HECTD3: variants seen among roughly 807,000 people sequenced by gnomAD.
HECTD3 encodes the protein E3 ubiquitin-protein ligase HECTD3.
In HECTD3, 72 loss-of-function variants were observed where a neutral mutation model predicts 109.3. That is an observed-to-expected ratio of 0.66 (90% CI 0.54 to 0.80). HECTD3 has a LOEUF of 0.80. HECTD3 is among the 30% of genes least tolerant of loss of function. The probability of loss-of-function intolerance (pLI) is 0.00; values close to 1 mark genes in which losing one functional copy is unlikely to be tolerated. For missense variants in HECTD3, 1,041 were observed against 1,165.2 expected (o/e 0.89, Z 1.55); for synonymous variants, 481 against 471.8 (o/e 1.02, Z -0.25).
At position 45,006,271 on chromosome 1, in the gene HECTD3, G is replaced by T; in HGVS notation, c.1726-155C>A. ...TCCTCTCCCTGTCTGCCCAGAGGTTGCCCTGAGCAACTCAGTCCCTCCTCT... is the reference window on the plus strand; with the variant it reads ...TCCTCTCCCTGTCTGCCCAGAGGTTTCCCTGAGCAACTCAGTCCCTCCTCT... On this transcript the variant is annotated intron_variant, in intron 13 of 20. Transcript: ENST00000372172. This position sits in a 1 kb window ranked among gnomAD's most constrained non-coding sequence, Gnocchi z 4.7. 1.1e-6 allele frequency: 1 copy of T among 926,048 alleles called. No individual in the cohort carries two copies. The highest frequency in any genetic ancestry group is 1.6e-6 in the Non-Finnish European group (1 of 617,972). The allele number at this position is 926,048 out of a possible 1,614,324, so 57.4% of individuals were successfully genotyped here. A position where few individuals can be genotyped will look rare whatever the true frequency, so the allele number is the denominator to read the frequency against.
At position 45,008,576 on chromosome 1, in the gene HECTD3, C is replaced by G; in HGVS notation, c.1198G>C (p.Asp400His). Residue 400 changes from aspartate to histidine, a missense_variant, in exon 8 of 21, where the codon GAC (aspartate) becomes CAC (histidine). Coordinates refer to ENST00000372172, the MANE Select transcript of HECTD3 (RefSeq NM_024602.6). ...LVRYPRLEGTDPEVLYRRAVL... is the reference protein window; with the variant it reads ...LVRYPRLEGTHPEVLYRRAVL... Reference sequence around the variant, plus strand: ...GCTCTGCGGTACAGTACTTCAGGGTCGGTGCCTTCTAGGCGTGGATATCGC... The same window carrying G: ...GCTCTGCGGTACAGTACTTCAGGGTGGGTGCCTTCTAGGCGTGGATATCGC... 1 of 1,614,002 alleles carries G rather than the reference C, an allele frequency of 6.2e-7. No homozygotes were observed. Among genetic ancestry groups the G allele is most frequent in the Non-Finnish European group, 8.5e-7 (1 of 1,179,938 alleles).
rs773846339 is a variant in HECTD3, at chr1:45,009,646, G to T, written c.797C>A (p.Ala266Asp). Reference protein sequence around the residue: ...FNVSCLTDSNADTYWESDGSQ... With the variant: ...FNVSCLTDSNDDTYWESDGSQ... ...CCCATCGCTCTCCCAGTAGGTATCG[G>T]CATTGCTGTCTGTCAGGCAGGACAC... The change falls in exon 5 of 21, where the codon GCC becomes GAC. Residue 266 changes from alanine to aspartate, a missense_variant. Ala to Asp is a moderately radical substitution (Grantham distance 126). This residue lies in a region of HECTD3 where 472 missense variants were observed against 449.9 expected (regional missense o/e 1.05). Transcript: ENST00000372172. 1.2e-6 allele frequency: 2 copies of T among 1,614,082 alleles called. No homozygotes were observed. The highest frequency in any genetic ancestry group is 2.2e-5 in the East Asian group (1 of 44,880).
At chr1:45,009,281 A>G in intron 6 of HECTD3, 55 bp from the exon 7 acceptor site, 3 of 1,547,534 alleles carry the variant, frequency 1.9e-6, no homozygotes, top group Non-Finnish European at 2.7e-6. Flanking sequence ...GCCTTCAGAG[A>G]CTGCTGGAGT....
intron 7 of HECTD3, among the ~76,000 whole-genome samples, chr1:45,008,924 T>C (rs1644759109): frequency 2.0e-5 from 3 of 152,146 alleles, no homozygotes; most frequent in Admixed American, 1.3e-4. Context: ...CCCAACTCAG[T>C]TCCTCTTCCA....
In HECTD3 at chr1:45,009,970, G is replaced by A. The variant is rs764196954; in HGVS notation, c.759+16C>T. 16 of 1,517,824 alleles carry A rather than the reference G, an allele frequency of 1.1e-5. No individual in the cohort carries two copies. The highest frequency in any genetic ancestry group is 2.3e-5 in the East Asian group (1 of 43,984). 94.0% of individuals were successfully genotyped at this position (1,517,824 alleles called of 1,614,324 possible). A position where few individuals can be genotyped will look rare whatever the true frequency, so the allele number is the denominator to read the frequency against. ...GACTATATCTTGCCTGGGGTGGGAG[G>A]AGCCCCAGCACCCACCGTGTAGGAG... is the stretch of plus-strand genomic sequence containing the variant. On this transcript the variant is annotated intron_variant, in intron 4 of 20. Transcript: ENST00000372172.
intron 15 of HECTD3, chr1:45,005,099 GC>G (rs932704077): frequency 1.4e-5 from 7 of 496,668 alleles, no homozygotes; most frequent in African/African-American, 1.4e-4. Flanking sequence ...GCTGGAAAGA[GC>G]AAAAGGCCTA....
Position 45,011,011 on chromosome 1 carries a change from CG to C in HECTD3, c.246del (p.Gly83ValfsTer37), listed in dbSNP as rs35563981. 8 of 1,441,944 alleles carry C rather than the reference CG, an allele frequency of 5.5e-6. No homozygotes were observed. Among genetic ancestry groups the C allele is most frequent in the African/African-American group, 1.5e-5 (1 of 66,794 alleles). 89.3% of individuals were successfully genotyped at this position (1,441,944 alleles called of 1,614,324 possible). A position where few individuals can be genotyped will look rare whatever the true frequency, so the allele number is the denominator to read the frequency against. On this transcript the variant is annotated frameshift_variant, in exon 1 of 21. Coordinates refer to ENST00000372172, the MANE Select transcript of HECTD3 (RefSeq NM_024602.6). LOFTEE classifies it high-confidence loss of function. The stretch of plus-strand genomic sequence containing the variant: ...GCGCGGAGGGGCCCGGAGCCGGTAC[CG>C]GGGGCTGGGCCTGCGGCGCCCACAC... The part of the protein sequence containing the change: ...GLRVGAAGPA[P>X]GTGSGPLRAA...
chr1:45,006,602 C>T lies in HECTD3; in HGVS notation c.1725+90G>A. 2.7e-6 allele frequency: 3 copies of T among 1,120,714 alleles called. No homozygotes were observed. In the South Asian group the frequency reaches 4.4e-5, roughly 16 times the overall value. The allele number at this position is 1,120,714 out of a possible 1,614,324, so 69.4% of individuals were successfully genotyped here. The stretch of plus-strand genomic sequence containing the variant: ...CAGGCGTGAGCCACTGTGCCTGCCC[C>T]CTTTCTAGCTCAATCTGGCCCCCTC... On this transcript the variant is annotated intron_variant, in intron 13 of 20. Coordinates refer to ENST00000372172, the MANE Select transcript of HECTD3 (RefSeq NM_024602.6). This position sits in a 1 kb window ranked among gnomAD's most constrained non-coding sequence, Gnocchi z 4.7.
chr1:45,009,450 TCATCTGTGGTATC>T lies in HECTD3; in HGVS notation c.895_907del (p.Asp299ThrfsTer18). On this transcript the variant is annotated frameshift_variant, in exon 6 of 21. Coordinates refer to ENST00000372172, the MANE Select transcript of HECTD3 (RefSeq NM_024602.6). LOFTEE classifies it high-confidence loss of function. Reference sequence around the variant, plus strand: ...CACCACCCGCTTTGGCATAAAGTTGTCATCTGTGGTATCCACTGTGAGTAGCAGCTTCCTGAAG... The same window carrying T: ...CACCACCCGCTTTGGCATAAAGTTGTCACTGTGAGTAGCAGCTTCCTGAAG... 3 of 1,614,136 alleles carry T rather than the reference TCATCTGTGGTATC, an allele frequency of 1.9e-6. No individual in the cohort carries two copies. Among genetic ancestry groups the T allele is most frequent in the Non-Finnish European group, 2.5e-6 (3 of 1,179,982 alleles).
At chr1:45,009,776 G>T in intron 4 of HECTD3, 93 bp from the exon 5 acceptor site, 1 of 1,168,650 alleles carries the variant, frequency 8.6e-7, no homozygotes, top group Non-Finnish European at 1.2e-6. Flanking sequence ...AGAAAGCATA[G>T]TGAAGTTGGG....
rs1487265089 is a variant in HECTD3, at chr1:45,009,132, C to G, written c.1072+12G>C. ...CGGGCTCTCTTTCCCTCCTTATAGC[C>G]TTAAACCTCACCTCGGCACTCCACG... On this transcript the variant is annotated intron_variant, in intron 7 of 20. Transcript: ENST00000372172. 3 of 1,611,448 alleles carry G rather than the reference C, an allele frequency of 1.9e-6. No homozygotes were observed. The highest frequency in any genetic ancestry group is 2.5e-6 in the Non-Finnish European group (3 of 1,177,586).
chr1:45,011,152 G>T lies in HECTD3; in HGVS notation c.106C>A (p.Leu36Met). 6.7e-7 allele frequency: 1 copy of T among 1,503,000 alleles called. No homozygotes were observed. The allele number at this position is 1,503,000 out of a possible 1,614,324, so 93.1% of individuals were successfully genotyped here. Reference sequence around the variant, plus strand: ...GGCACGAAAGCCAGCGCTGCTGGCAGCGGCCGCCCGGCGCGGAGGCTCCGC... The same window carrying T: ...GGCACGAAAGCCAGCGCTGCTGGCATCGGCCGCCCGGCGCGGAGGCTCCGC... ...AARSLRAGRPLPAALAFVPRE... is the reference protein window; with the variant it reads ...AARSLRAGRPMPAALAFVPRE... The change falls in exon 1 of 21, where the codon CTG (leucine) becomes ATG (methionine). Residue 36 changes from leucine to methionine, a missense_variant. Leu to Met is a conservative substitution (Grantham distance 15). Coordinates refer to ENST00000372172, the MANE Select transcript of HECTD3 (RefSeq NM_024602.6).
At position 45,010,335 on chromosome 1, in the gene HECTD3, G is replaced by A. The variant is rs41269101; in HGVS notation, c.531-42C>T. On this transcript the variant is annotated intron_variant, in intron 2 of 20. Coordinates refer to ENST00000372172, the MANE Select transcript of HECTD3 (RefSeq NM_024602.6). ...GGGAGTGGGATGGGGAGACATCAGC[G>A]GTCAGCAAGACACTACCTCCATGCC... 6.3e-3 allele frequency: 9,892 copies of A among 1,576,242 alleles called. 50 individuals carry two copies. Among genetic ancestry groups the A allele is most frequent in the East Asian group, 0.013 (563 of 44,722 alleles).
At position 45,010,027 on chromosome 1, in the gene HECTD3, C is replaced by T. The variant is rs771331452; in HGVS notation, c.718G>A (p.Val240Met). The T allele has an allele frequency of 2.0e-5, 31 of 1,557,260 alleles. 1 individual carries two copies. Among genetic ancestry groups the T allele is most frequent in the South Asian group, 1.5e-4 (12 of 81,516 alleles). ...TCTATGCTCTCCACATACTGCTTCA[C>T]GCTACCCAGGTTCTCATCCTCCTTG... ...LGKEDENLGS[V>M]KQYVESIDVS... The change falls in exon 4 of 21, where the codon GTG becomes ATG. Residue 240 changes from valine to methionine, a missense_variant. Val to Met is a conservative substitution (Grantham distance 21, BLOSUM62 1). Around this residue, in one of 2 missense-constraint regions of HECTD3, gnomAD observed 472 missense variants for 449.9 expected, o/e 1.05. Coordinates refer to ENST00000372172, the MANE Select transcript of HECTD3 (RefSeq NM_024602.6).
rs371030073 is a variant in HECTD3, at chr1:45,009,724, C to G, written c.760-41G>C. The G allele has an allele frequency of 5.3e-5, 78 of 1,460,852 alleles. 2 individuals carry two copies. In the African/African-American group the frequency reaches 8.5e-4, roughly 16 times the overall value. The allele number at this position is 1,460,852 out of a possible 1,614,324, so 90.5% of individuals were successfully genotyped here. A position where few individuals can be genotyped will look rare whatever the true frequency, so the allele number is the denominator to read the frequency against. Reference sequence around the variant, plus strand: ...GACGTGAAGTCAGCAGTTACCCTCCCTCCCTGCACTGGGCTTGTGCTCTGG... The same window carrying G: ...GACGTGAAGTCAGCAGTTACCCTCCGTCCCTGCACTGGGCTTGTGCTCTGG... On this transcript the variant is annotated intron_variant, in intron 4 of 20. Transcript: ENST00000372172.
rs146072425 is a variant in HECTD3 at position 45,008,723 on chromosome 1, A to G, written c.1073-22T>C. On this transcript the variant is annotated intron_variant, in intron 7 of 20. Transcript: ENST00000372172. ...TCATCTGGGGGAAGGGGTCAGAGTA[A>G]GGTCATTTACAGCACCTGCTGCCTC... The G allele has an allele frequency of 6.2e-3, 10,022 of 1,607,462 alleles. 137 individuals are homozygous for G. Among genetic ancestry groups the G allele is most frequent in the South Asian group, 0.037 (3,401 of 90,942 alleles).
At chr1:45,009,084 T>A (rs915692631) in intron 7 of HECTD3, 60 bp downstream of exon 7, 2 of 1,303,334 alleles carry the variant, frequency 1.5e-6, no homozygotes, top group Non-Finnish European at 2.2e-6. Flanking sequence ...ACACACACTC[T>A]CTGTTTGCCC....
rs768473119 is a variant in HECTD3, at chr1:45,004,061, G to A, written c.2346C>T (p.Asn782=). Reference sequence around the variant, plus strand: ...GTCACCCTGCCCTCCTCCACTGACCGTTGGTGAAGTTGTTCAGTGCCTCCC... The same window carrying A: ...GTCACCCTGCCCTCCTCCACTGACCATTGGTGAAGTTGTTCAGTGCCTCCC... ...YFWEALNNFT[N]EDRSRFLRFV... Residue 782 remains asparagine (N), a splice_region_variant and synonymous_variant, in exon 18 of 21, where the codon AAC becomes AAT. Coordinates refer to ENST00000372172, the MANE Select transcript of HECTD3 (RefSeq NM_024602.6). The A allele has an allele frequency of 1.3e-5, 21 of 1,613,996 alleles. No individual in the cohort carries two copies. Among genetic ancestry groups the A allele is most frequent in the South Asian group, 2.2e-5 (2 of 91,084 alleles).
In HECTD3 at chr1:45,008,336, T is replaced by G; in HGVS notation, c.1239-15A>C. The G allele has an allele frequency of 6.2e-7, 1 of 1,608,484 alleles. No individual in the cohort carries two copies. The highest frequency in any genetic ancestry group is 1.1e-5 in the South Asian group (1 of 90,972). On this transcript the variant is annotated splice_polypyrimidine_tract_variant and intron_variant, in intron 8 of 20. Transcript: ENST00000372172. ...TCTTGATGAATCTGGCATGGGTAGA[T>G]AGACTGCAGCTAAAGAGTTTAGCAT...
Sources: gnomAD v4.1 joint callset for allele counts (sites outside exome capture counted in the v4.1 genomes callset) on GRCh38, gnomAD v4.1.1 for gene constraint, gnomAD v4.1.1 regional missense constraint, Gnocchi (gnomAD v3.1) non-coding constraint, MANE v1.5 for transcripts, NCBI Gene and HGNC (gene_info 2026-07-23, HGNC 2026-07-21) for gene names.